SEMA3A: variants seen among roughly 807,000 people sequenced by gnomAD.
SEMA3A encodes semaphorin-3A.
A neutral mutation model predicts 97.9 loss-of-function variants in SEMA3A; 29 were observed. The observed-to-expected ratio is 0.30, with a 90% CI of 0.22 to 0.40. The LOEUF (loss-of-function observed/expected upper bound fraction) is 0.40. Ranked by LOEUF, SEMA3A falls within the 10% of genes least tolerant of loss-of-function variation. The probability of loss-of-function intolerance (pLI) is 1.00; values close to 1 mark genes in which losing one functional copy is unlikely to be tolerated. For synonymous variants in SEMA3A, 321 were observed against 323.7 expected (o/e 0.99, Z 0.09); for missense variants, 763 against 951.3 (o/e 0.80, Z 2.60).
At chr7:84,391,214 C>A (rs897922745) in intron 1 of SEMA3A, among the ~76,000 whole-genome samples, 5 of 152,182 alleles carry the variant, frequency 3.3e-5, no homozygotes, top group Non-Finnish European at 5.9e-5. Flanking sequence ...GCCATGCCTA[C>A]ATATCCTAGC....
intron 4 of SEMA3A, among the ~76,000 whole-genome samples, chr7:84,092,423 C>T (rs1332246849): frequency 3.3e-5 from 5 of 152,012 alleles, no homozygotes; most frequent in Non-Finnish European, 5.9e-5. Flanking sequence ...CCTTCCTGTG[C>T]GGGGAAGAAA....
intron 3 of SEMA3A, among the ~76,000 whole-genome samples, chr7:84,119,499 T>G (rs10282129): frequency 0.24 from 35,999 of 152,104 alleles, 4,461 homozygotes; most frequent in African/African-American, 0.31. Flanking sequence ...TGATGTCCTG[T>G]GGACATAAGA....
chr7:84,206,092 G>T (rs1277842580), intron 3 of SEMA3A, among the ~76,000 whole-genome samples: 1 of 152,082 alleles, frequency 6.6e-6, no homozygotes, highest in South Asian at 2.1e-4. Flanking sequence ...CGGGCTGTTT[G>T]CAACCCCAGC....
rs1004660892 is a variant in SEMA3A at position 84,189,517 on chromosome 7, T to C, written c.112+4958A>G. ...CTTTTGGAGCTATGATACAAAGGTG[T>C]GTCACTGGAGTTAAAATGAGAAAAA... On this transcript the variant is annotated intron_variant, in intron 1 of 16. Coordinates refer to ENST00000265362, the MANE Select transcript of SEMA3A (RefSeq NM_006080.3). Among the ~76,000 whole-genome samples, 3 of 151,864 alleles carry C rather than the reference T, an allele frequency of 2.0e-5. No homozygotes were observed. The East Asian group carries it at 5.8e-4, about 29-fold the overall frequency.
intron 5 of SEMA3A, among the ~76,000 whole-genome samples, chr7:84,058,914 A>G (rs771894936): frequency 1.1e-4 from 17 of 152,174 alleles, no homozygotes; most frequent in Non-Finnish European, 1.5e-5. Context: ...TGCATACCAT[A>G]TGAACTAGGT....
At chr7:83,993,341 A>C (rs1449155320) in intron 12 of SEMA3A, among the ~76,000 whole-genome samples, 1 of 149,462 alleles carries the variant, frequency 6.7e-6, no homozygotes, top group Non-Finnish European at 1.5e-5. Flanking sequence ...GTTATGTGTG[A>C]ATTTGATCCT....
chr7:84,224,474 G>A (rs934026751), intron 3 of SEMA3A, among the ~76,000 whole-genome samples: 1 of 151,838 alleles, frequency 6.6e-6, no homozygotes, highest in African/African-American at 2.4e-5. Context: ...AGGGTAAGAG[G>A]TCACTTAATT....
At chr7:84,142,492 T>C (rs1796323363) in intron 1 of SEMA3A, among the ~76,000 whole-genome samples, 1 of 152,196 alleles carries the variant, frequency 6.6e-6, no homozygotes, top group Admixed American at 6.6e-5. Flanking sequence ...AGAGTTAAGA[T>C]AACTATTTCC....
intron 1 of SEMA3A, among the ~76,000 whole-genome samples, chr7:84,402,627 T>C (rs1338213296): frequency 6.6e-6 from 1 of 152,160 alleles, no homozygotes; most frequent in Non-Finnish European, 1.5e-5. Flanking sequence ...GATAATGTGG[T>C]GTATGTACAT....
intron 12 of SEMA3A, among the ~76,000 whole-genome samples, chr7:83,989,867 G>A (rs897707807): frequency 2.1e-4 from 32 of 150,920 alleles, no homozygotes; most frequent in Non-Finnish European, 4.3e-4. Flanking sequence ...GGTATTTCCA[G>A]TTCTAGATCC....
intron 1 of SEMA3A, among the ~76,000 whole-genome samples, chr7:84,387,363 T>C (rs1803424991): frequency 6.6e-6 from 1 of 152,186 alleles, no homozygotes; most frequent in Non-Finnish European, 1.5e-5. Flanking sequence ...AGAATTATTT[T>C]AAATGCTCTG....
chr7:84,085,727 C>CT (rs1562769330), intron 4 of SEMA3A, among the ~76,000 whole-genome samples: 1 of 151,960 alleles, frequency 6.6e-6, no homozygotes, highest in Non-Finnish European at 1.5e-5. Context: ...CTTTCTTAAC[C>CT]TTTTAAAGTA....
intron 3 of SEMA3A, among the ~76,000 whole-genome samples, chr7:84,282,347 C>T (rs990790959): frequency 6.6e-6 from 1 of 152,084 alleles, no homozygotes; most frequent in African/African-American, 2.4e-5. Context: ...TATTCAACTT[C>T]CAGAACAGCT....
At chr7:84,213,620 A>G (rs961866101) in intron 3 of SEMA3A, among the ~76,000 whole-genome samples, 43 of 152,108 alleles carry the variant, frequency 2.8e-4, no homozygotes, top group African/African-American at 1.0e-3. Context: ...TTTCCCTCCC[A>G]TGCAAACATT....
intron 16 of SEMA3A, among the ~76,000 whole-genome samples, chr7:83,962,143 A>G (rs999605552): frequency 2.0e-5 from 3 of 152,090 alleles, no homozygotes; most frequent in Admixed American, 6.6e-5. Context: ...GTATATAAAT[A>G]TAGGATAAAG....
chr7:84,488,585 G>A (rs1204212939), intron 1 of SEMA3A, among the ~76,000 whole-genome samples: 1 of 152,024 alleles, frequency 6.6e-6, no homozygotes, highest in Non-Finnish European at 1.5e-5. Flanking sequence ...GACATCGCTG[G>A]GTTGGAAATA....
intron 2 of SEMA3A, among the ~76,000 whole-genome samples, chr7:84,330,972 A>C (rs1801897625): frequency 6.6e-6 from 1 of 152,168 alleles, no homozygotes; most frequent in South Asian, 2.1e-4. Flanking sequence ...CATGGAAAGA[A>C]AGGAAAGAAT....
intron 1 of SEMA3A, among the ~76,000 whole-genome samples, chr7:84,485,165 A>G (rs1375740191): frequency 6.6e-6 from 1 of 152,180 alleles, no homozygotes; most frequent in East Asian, 1.9e-4. Flanking sequence ...TTACTAACAT[A>G]TATTTTTAAT....
Position 84,102,588 on chromosome 7 carries a change from CTTTT to C in SEMA3A, c.453+7878_453+7881del, listed in dbSNP as rs3074757. Among the ~76,000 whole-genome samples, 694 of 96,836 alleles carry C rather than the reference CTTTT, an allele frequency of 7.2e-3. 12 individuals are homozygous for C. The highest frequency in any genetic ancestry group is 0.025 in the African/African-American group (660 of 26,132). 63.5% of individuals were successfully genotyped at this position (96,836 alleles called of 152,430 possible). On this transcript the variant is annotated intron_variant, in intron 4 of 16. Coordinates refer to ENST00000265362, the MANE Select transcript of SEMA3A (RefSeq NM_006080.3). ...TACAGAGAAGGAGATTGCATTATCG[CTTTT>C]TTTTTTTTTTTTTTTTTTTAACAGA... is the stretch of plus-strand genomic sequence containing the variant.
Sources: gnomAD v4.1 joint callset for allele counts (sites outside exome capture counted in the v4.1 genomes callset) on GRCh38, gnomAD v4.1.1 for gene constraint, MANE v1.5 for transcripts, NCBI Gene and HGNC (gene_info 2026-07-23, HGNC 2026-07-21) for gene names.